KCNMB2: variants seen among roughly 807,000 people sequenced by gnomAD.
KCNMB2 encodes potassium calcium-activated channel subfamily M regulatory beta subunit 2.
In KCNMB2, 9 loss-of-function variants were observed where a neutral mutation model predicts 24.5. The ratio of observed to expected loss-of-function variants is 0.37; its 90% CI spans 0.22 to 0.64. KCNMB2 has a LOEUF of 0.64. Ranked by LOEUF, KCNMB2 falls within the 30% of genes least tolerant of loss-of-function variation. KCNMB2 has a pLI of 0.63. For missense variants in KCNMB2, 226 were observed against 284.3 expected (o/e 0.79, Z 1.47); for synonymous variants, 109 against 104.4 (o/e 1.04, Z -0.27).
chr3:178,555,428 T>C (rs1716090738), intron 1 of KCNMB2, among the ~76,000 whole-genome samples: 1 of 152,266 alleles, frequency 6.6e-6, no homozygotes, highest in South Asian at 2.1e-4. Flanking sequence ...ACTTAATGTT[T>C]TGAGCATCAG....
At chr3:178,579,028 T>C (rs1005047593) in intron 1 of KCNMB2, among the ~76,000 whole-genome samples, 1 of 152,168 alleles carries the variant, frequency 6.6e-6, no homozygotes, top group Non-Finnish European at 1.5e-5. Context: ...GCAGACCTAA[T>C]AGACATCAAC....
chr3:178,663,989 C>T (rs1577081446), intron 1 of KCNMB2, among the ~76,000 whole-genome samples: 1 of 152,068 alleles, frequency 6.6e-6, no homozygotes, highest in East Asian at 1.9e-4. Flanking sequence ...AAAAACTAGT[C>T]CTTCTAACCA....
At chr3:178,719,039 C>T (rs1012690009) in intron 1 of KCNMB2, among the ~76,000 whole-genome samples, 37 of 152,270 alleles carry the variant, frequency 2.4e-4, no homozygotes, top group African/African-American at 8.7e-4. Context: ...TCCAGCCCAG[C>T]CCTGTGACTT....
At chr3:178,683,823 T>C (rs542528356) in intron 1 of KCNMB2, among the ~76,000 whole-genome samples, 1 of 152,206 alleles carries the variant, frequency 6.6e-6, no homozygotes, top group South Asian at 2.1e-4. Context: ...TTGGCAAAGG[T>C]GTGGAGAAAA....
rs1712133211 is a variant in KCNMB2 at position 178,766,653 on chromosome 3, G to GGAA, written c.-67-40687_-67-40685dup. 2.0e-5 allele frequency among the ~76,000 whole-genome samples: 3 copies of GGAA among 152,120 alleles called. No individual in the cohort carries two copies. In the South Asian group the frequency reaches 6.2e-4, roughly 32 times the overall value. On this transcript the variant is annotated intron_variant, in intron 1 of 4. Transcript: ENST00000452583. ...CCAACTAGATTTTAAGTGTTTTAAA[G>GGAA]GAAGACATGATAACAAACATCTCTT...
At chr3:178,592,777 G>T (rs1717721889) in intron 1 of KCNMB2, among the ~76,000 whole-genome samples, 1 of 152,024 alleles carries the variant, frequency 6.6e-6, no homozygotes, top group Non-Finnish European at 1.5e-5. Flanking sequence ...TAGCATCACT[G>T]CAGTGAGGTA....
intron 1 of KCNMB2, among the ~76,000 whole-genome samples, chr3:178,607,991 A>C (rs1718341010): frequency 6.6e-6 from 1 of 152,208 alleles, no homozygotes. Flanking sequence ...CAAAGGGAGT[A>C]AAAGAGCTTA....
intron 1 of KCNMB2, among the ~76,000 whole-genome samples, chr3:178,796,461 C>T (rs1030531872): frequency 2.6e-5 from 4 of 152,180 alleles, no homozygotes; most frequent in African/African-American, 9.7e-5. Context: ...ACATTCTTCT[C>T]CTCGGCACAT....
chr3:178,792,741 T>C (rs1323894353), intron 1 of KCNMB2, among the ~76,000 whole-genome samples: 4 of 152,062 alleles, frequency 2.6e-5, no homozygotes, highest in Non-Finnish European at 5.9e-5. Context: ...TCCTTGCAAA[T>C]GAAAACCAAA....
At chr3:178,589,193 C>T (rs1717571189) in intron 1 of KCNMB2, among the ~76,000 whole-genome samples, 1 of 152,184 alleles carries the variant, frequency 6.6e-6, no homozygotes, top group Non-Finnish European at 1.5e-5. Context: ...AGCTCAGCTT[C>T]CCCCTTCCAA....
intron 1 of KCNMB2, among the ~76,000 whole-genome samples, chr3:178,629,258 C>T (rs1364961707): frequency 2.6e-5 from 4 of 152,162 alleles, no homozygotes; most frequent in African/African-American, 9.7e-5. Context: ...TCATTCTACT[C>T]ATCTGGATTT....
At chr3:178,537,259 AC>A (rs1715440436) in intron 1 of KCNMB2, 3 of 152,136 alleles carry the variant, frequency 2.0e-5, no homozygotes, top group Non-Finnish European at 4.4e-5. Context: ...AAAATTGGGT[AC>A]CTTCGTCCGT....
intron 1 of KCNMB2, among the ~76,000 whole-genome samples, chr3:178,571,046 G>A (rs1716760963): frequency 6.6e-6 from 1 of 152,108 alleles, no homozygotes; most frequent in African/African-American, 2.4e-5. Flanking sequence ...CTGTTTCCAC[G>A]ATGTCACAGA....
At chr3:178,595,527 T>A (rs922039150) in intron 1 of KCNMB2, among the ~76,000 whole-genome samples, 3 of 152,112 alleles carry the variant, frequency 2.0e-5, no homozygotes, top group Non-Finnish European at 2.9e-5. Context: ...GATAATTGAA[T>A]CATGGGGGGC....
chr3:178,556,683 G>A (rs1456640216), intron 1 of KCNMB2, among the ~76,000 whole-genome samples: 3 of 152,168 alleles, frequency 2.0e-5, no homozygotes, highest in Non-Finnish European at 4.4e-5. Flanking sequence ...GGGATTACAG[G>A]TGTAAGCCAC....
At position 178,541,987 on chromosome 3, in the gene KCNMB2, G is replaced by A. The variant is rs145228503; in HGVS notation, c.-68+5276G>A. Reference sequence around the variant, plus strand: ...CCACCCTGTCATTCTCTTTAAATTAGCCAATTGGAATTAGTTTATCCTGTG... The same window carrying A: ...CCACCCTGTCATTCTCTTTAAATTAACCAATTGGAATTAGTTTATCCTGTG... On this transcript the variant is annotated intron_variant, in intron 1 of 4. Coordinates refer to ENST00000452583, the MANE Select transcript of KCNMB2 (RefSeq NM_181361.3). Among the ~76,000 whole-genome samples, 1,149 of 152,106 alleles carry A rather than the reference G, an allele frequency of 7.6e-3. 15 individuals carry two copies. The highest frequency in any genetic ancestry group is 0.027 in the African/African-American group (1,106 of 41,474).
rs145756342 is a variant in KCNMB2, at chr3:178,769,582, A to G, written c.-67-37761A>G. ...CAAATCCATTAATAATATTCCAGAA[A>G]AGAAGGTAGAAAGTATAAAAATACT... On this transcript the variant is annotated intron_variant, in intron 1 of 4. Transcript: ENST00000452583. Among the ~76,000 whole-genome samples, 698 of 152,322 alleles carry G rather than the reference A, an allele frequency of 4.6e-3. 1 individual carries two copies. The highest frequency in any genetic ancestry group is 6.4e-3 in the Non-Finnish European group (433 of 68,028).
intron 1 of KCNMB2, among the ~76,000 whole-genome samples, chr3:178,719,792 T>G (rs957757994): frequency 1.3e-5 from 2 of 152,124 alleles, no homozygotes; most frequent in Non-Finnish European, 2.9e-5. Context: ...TTAATACACA[T>G]AGTGTGTCAT....
chr3:178,655,138 C>CTCTCTCTCTCTCTCTA (rs1720285695), intron 1 of KCNMB2, among the ~76,000 whole-genome samples: 2 of 137,820 alleles, frequency 1.5e-5, no homozygotes, highest in South Asian at 2.2e-4. Flanking sequence ...CTCTCTCTCT[C>CTCTCTCTCTCTCTCTA]TCTCTATCTC....
Sources: allele counts gnomAD v4.1 joint callset (sites outside exome capture counted in the v4.1 genomes callset), GRCh38; gene constraint gnomAD v4.1.1; transcripts MANE v1.5; gene names NCBI Gene and HGNC (gene_info 2026-07-23, HGNC 2026-07-21).